GBF1: variants seen among roughly 807,000 people sequenced by gnomAD.
GBF1 encodes Golgi-specific brefeldin A-resistance guanine nucleotide exchange factor 1.
In GBF1, 114 loss-of-function variants were observed where a neutral mutation model predicts 210.5. That is an observed-to-expected ratio of 0.54 (90% confidence interval 0.47 to 0.63). The LOEUF is 0.63. Ranked by LOEUF, GBF1 falls within the 30% of genes least tolerant of loss-of-function variation. GBF1 has a pLI of 0.00. For synonymous variants in GBF1, 850 were observed against 889.2 expected, an observed-to-expected ratio of 0.96 and a Z score of 0.78; for missense variants, 1,851 against 2,357.7, an observed-to-expected ratio of 0.79 and a Z score of 4.45.
intron 3 of GBF1, among the ~76,000 whole-genome samples, chr10:102,275,230 A>G (rs1019403958): frequency 4.6e-5 from 7 of 152,168 alleles, no homozygotes; most frequent in Non-Finnish European, 1.0e-4. Flanking sequence ...GCCAGGGTCT[A>G]ATAGTCCCAG....
rs140647251 is a variant in GBF1, at chr10:102,294,707, G to A, written c.163+34591G>A. 4.2e-4 allele frequency among the ~76,000 whole-genome samples: 64 copies of A among 152,110 alleles called. 1 individual carries two copies. The East Asian group carries it at 0.01, about 24-fold the overall frequency. On this transcript the variant is annotated intron_variant, in intron 3 of 39. Coordinates refer to ENST00000369983, the MANE Select transcript of GBF1 (RefSeq NM_001377137.1). ...GTATCTTTTATGCAGTATTTTTACT[G>A]TACTTTTTCTGTGTTTAGATATACA...
At position 102,366,647 on chromosome 10, in the gene GBF1, C is replaced by T. The variant is rs906234864; in HGVS notation, c.2433+141C>T. ...TGTCACCCAGGCTGGAGTGCAGTAG[C>T]GCAGTCTCAGCACACTGCAACCTCC... On this transcript the variant is annotated intron_variant, in intron 19 of 39. Transcript: ENST00000369983. This position sits in a 1 kb window ranked among gnomAD's most constrained non-coding sequence, Gnocchi z 4.0. 6.7e-6 allele frequency: 5 copies of T among 750,878 alleles called. No individual in the cohort carries two copies. Among genetic ancestry groups the T allele is most frequent in the Non-Finnish European group, 1.0e-5 (5 of 480,444 alleles). The allele number at this position is 750,878 out of a possible 1,614,324, so 46.5% of individuals were successfully genotyped here. A position where few individuals can be genotyped will look rare whatever the true frequency, so the allele number is the denominator to read the frequency against.
chr10:102,258,944 G>A lies in GBF1; in HGVS notation c.6G>A (p.Val2=). 6.3e-7 allele frequency: 1 copy of A among 1,586,612 alleles called. No homozygotes were observed. The highest frequency in any genetic ancestry group is 1.3e-5 in the African/African-American group (1 of 74,512). The change falls in exon 2 of 40, where the codon GTG becomes GTA. Residue 2 remains valine, a synonymous_variant. Coordinates refer to ENST00000369983, the MANE Select transcript of GBF1 (RefSeq NM_001377137.1). M[V]DKNIYIIQGE... ...GTTTTGGTAGGTTTGCCAAGATGGT[G>A]GATAAGAATATTTACATCATTCAAG...
chr10:102,381,210 G>A lies in GBF1; in HGVS notation c.5257G>A (p.Gly1753Ser). 6.2e-7 allele frequency: 1 copy of A among 1,613,978 alleles called. No homozygotes were observed. Among genetic ancestry groups the A allele is most frequent in the Non-Finnish European group, 8.5e-7 (1 of 1,179,960 alleles). ...CGCTGCTGGCGACACTAGGACACCT[G>A]GCCATCCACCGCCCCCAGAGATTCC... is the stretch of plus-strand genomic sequence containing the variant. ...TSAAGDTRTP[G>S]HPPPPEIPSE... Residue 1753 changes from glycine to serine, a missense_variant, in exon 39 of 40, where the codon GGC (glycine) becomes AGC (serine). Gly to Ser is a moderately conservative substitution (Grantham distance 56). Transcript: ENST00000369983.
chr10:102,237,694 G>C, the GBF1 span, among the ~76,000 whole-genome samples: 1 of 152,152 alleles, frequency 6.6e-6, no homozygotes, highest in African/African-American at 2.4e-5. Context: ...CCAGCTTTAT[G>C]TTAAAAATGC....
At chr10:102,339,822 G>C (rs1473235293) in intron 3 of GBF1, among the ~76,000 whole-genome samples, 1 of 152,084 alleles carries the variant, frequency 6.6e-6, no homozygotes, top group Admixed American at 6.6e-5. Flanking sequence ...GTCTTACTCT[G>C]TCACCCCAGG....
chr10:102,347,749 C>T (rs1001686188), intron 4 of GBF1, among the ~76,000 whole-genome samples: 7 of 152,150 alleles, frequency 4.6e-5, no homozygotes, highest in African/African-American at 1.7e-4. Flanking sequence ...TAGAAGAAAA[C>T]TCCTGTCTCT....
chr10:102,368,251 A>G lies in GBF1; in HGVS notation c.2676A>G (p.Thr892=). 9 of 1,613,954 alleles carry G rather than the reference A, an allele frequency of 5.6e-6. No homozygotes were observed. Among genetic ancestry groups the G allele is most frequent in the Non-Finnish European group, 6.8e-6 (8 of 1,179,818 alleles). The change falls in exon 22 of 40, where the codon ACA becomes ACG. Residue 892 remains threonine, a synonymous_variant. Transcript: ENST00000369983. ...NEEIVMPEEQ[T]GLVRENYVWN... ...AAATTGTAATGCCTGAGGAGCAGAC[A>G]GGCTTGGTTCGGGAGAACTATGTGT...
At chr10:102,291,890 C>CTTT (rs1223283560) in intron 3 of GBF1, among the ~76,000 whole-genome samples, 55 of 127,710 alleles carry the variant, frequency 4.3e-4, no homozygotes, top group Non-Finnish European at 6.4e-4. Flanking sequence ...TAGAACTTTT[C>CTTT]TTTTTTTTTT....
At chr10:102,278,586 A>C (rs924788320) in intron 3 of GBF1, among the ~76,000 whole-genome samples, 3 of 152,226 alleles carry the variant, frequency 2.0e-5, no homozygotes, top group African/African-American at 4.8e-5. Context: ...GATTGTATTT[A>C]GGATATCTAT....
chr10:102,373,590 C>CA (rs1355572860), intron 29 of GBF1, among the ~76,000 whole-genome samples: 2 of 152,178 alleles, frequency 1.3e-5, no homozygotes, highest in Non-Finnish European at 2.9e-5. Flanking sequence ...AATGAGACAT[C>CA]ACTACCCACT....
intron 3 of GBF1, among the ~76,000 whole-genome samples, chr10:102,273,321 G>C (rs1296128471): frequency 2.6e-5 from 4 of 152,010 alleles, no homozygotes; most frequent in Admixed American, 1.3e-4. Flanking sequence ...GACAGAGCAA[G>C]ACTGTCTCAA....
At chr10:102,266,663 A>G (rs1016711491) in intron 3 of GBF1, among the ~76,000 whole-genome samples, 3 of 152,256 alleles carry the variant, frequency 2.0e-5, no homozygotes, top group African/African-American at 4.8e-5. Context: ...CCAAAGAAAT[A>G]AGTAAAAACA....
intron 3 of GBF1, among the ~76,000 whole-genome samples, chr10:102,272,098 T>C (rs2074489713): frequency 6.9e-6 from 1 of 145,856 alleles, no homozygotes; most frequent in South Asian, 2.2e-4. Context: ...TGTCAGGTTG[T>C]CCTGCAATTG....
chr10:102,354,033 C>G (rs1019746548), intron 8 of GBF1, among the ~76,000 whole-genome samples: 1 of 152,192 alleles, frequency 6.6e-6, no homozygotes, highest in Non-Finnish European at 1.5e-5. Flanking sequence ...TACCTCAATG[C>G]TGAATTAGAC....
In GBF1 at chr10:102,349,302, G is replaced by A. The variant is rs571246390; in HGVS notation, c.296-1954G>A. ...AATCCCAGTACTTTGGGAGGCCAAG[G>A]TGGGTGAATCACCTGAGGTCAGGAG... On this transcript the variant is annotated intron_variant, in intron 4 of 39. Transcript: ENST00000369983. 2.5e-4 allele frequency among the ~76,000 whole-genome samples: 38 copies of A among 152,322 alleles called. 1 individual carries two copies. Among genetic ancestry groups the A allele is most frequent in the African/African-American group, 8.9e-4 (37 of 41,554 alleles).
At chr10:102,257,792 G>A (rs972181481) in intron 1 of GBF1, among the ~76,000 whole-genome samples, 3 of 150,394 alleles carry the variant, frequency 2.0e-5, no homozygotes, top group Non-Finnish European at 3.0e-5. Context: ...AGAGTGTCTC[G>A]ATATGCTGCC....
At chr10:102,377,187 T>G (rs777526954) in intron 33 of GBF1, 47 bp downstream of exon 33, 4 of 1,503,984 alleles carry the variant, frequency 2.7e-6, no homozygotes, top group Non-Finnish European at 3.7e-6. Flanking sequence ...CACCTGATAC[T>G]GGGAGCCTGG....
the GBF1 span, chr10:102,230,743 G>A: frequency 6.7e-7 from 1 of 1,488,240 alleles, no homozygotes; most frequent in South Asian, 1.4e-5. Flanking sequence ...CACGGCGGCC[G>A]GAGCCAGCCC....
Sources: allele counts gnomAD v4.1 joint callset (sites outside exome capture counted in the v4.1 genomes callset), GRCh38; gene constraint gnomAD v4.1.1; non-coding constraint Gnocchi (gnomAD v3.1); transcripts MANE v1.5; gene names NCBI Gene and HGNC (gene_info 2026-07-23, HGNC 2026-07-21).